The following TCF12 variants were observed in gnomAD, a reference collection of about 807,000 sequenced individuals.
The protein encoded by TCF12 is DNA-binding protein HTF4.
A neutral mutation model predicts 86.0 loss-of-function variants in TCF12; 45 were observed. The ratio of observed to expected loss-of-function variants is 0.52; its 90% confidence interval spans 0.41 to 0.67. The LOEUF (loss-of-function observed/expected upper bound fraction) is 0.67, where lower values mean the gene tolerates loss of function less well. Ranked by LOEUF, TCF12 falls within the 30% of genes least tolerant of loss-of-function variation. The pLI, the probability that TCF12 is intolerant of heterozygous loss-of-function variation, is 0.00. For missense variants in TCF12, 881 were observed against 859.9 expected, an observed-to-expected ratio of 1.02 and a Z score of -0.31; for synonymous variants, 330 against 299.6, an observed-to-expected ratio of 1.10 and a Z score of -1.05.
intron 3 of TCF12, among the ~76,000 whole-genome samples, chr15:56,958,793 G>A (rs560312029): frequency 6.6e-6 from 1 of 152,012 alleles, no homozygotes; most frequent in African/African-American, 2.4e-5. Flanking sequence ...TGCAGAGACA[G>A]GAGGATCACT....
At chr15:57,011,721 C>A (rs558260281) in intron 3 of TCF12, among the ~76,000 whole-genome samples, 2 of 152,152 alleles carry the variant, frequency 1.3e-5, no homozygotes, top group African/African-American at 4.8e-5. Flanking sequence ...AATTACAGGA[C>A]CCCCCAGTCT....
chr15:57,129,839 G>T (rs957385405), intron 5 of TCF12: 3 of 152,152 alleles, frequency 2.0e-5, no homozygotes, highest in African/African-American at 7.2e-5. Flanking sequence ...ATTCACCAGG[G>T]TTCATCTTAC....
chr15:56,969,488 C>T (rs1652735), intron 3 of TCF12, among the ~76,000 whole-genome samples: 1 of 150,962 alleles, frequency 6.6e-6, no homozygotes, highest in African/African-American at 2.4e-5. Flanking sequence ...ACATATGATT[C>T]GGAAACCACG....
At chr15:57,265,191 C>T (rs990864296) in intron 18 of TCF12, among the ~76,000 whole-genome samples, 4 of 151,488 alleles carry the variant, frequency 2.6e-5, no homozygotes, top group African/African-American at 4.9e-5. Context: ...ACAGCAGGTC[C>T]TCAAAGAACA....
intron 6 of TCF12, among the ~76,000 whole-genome samples, chr15:57,172,234 C>T (rs1455489542): frequency 3.3e-5 from 5 of 151,960 alleles, no homozygotes; most frequent in Admixed American, 1.3e-4. Flanking sequence ...AGCTTCAAAA[C>T]GAAGCAAAAC....
chr15:57,039,366 T>A (rs757666663), intron 3 of TCF12, among the ~76,000 whole-genome samples: 5 of 152,198 alleles, frequency 3.3e-5, no homozygotes, highest in African/African-American at 4.8e-5. Context: ...CGTGAAATAT[T>A]TCAACCTCAG....
chr15:57,086,606 G>A (rs2048646243), intron 4 of TCF12, among the ~76,000 whole-genome samples: 1 of 151,472 alleles, frequency 6.6e-6, no homozygotes, highest in Admixed American at 6.6e-5. Flanking sequence ...CACTGCTGTG[G>A]GAGCACAGAA....
chr15:57,267,899 C>T (rs763857491), intron 18 of TCF12, among the ~76,000 whole-genome samples: 7 of 152,196 alleles, frequency 4.6e-5, no homozygotes, highest in Non-Finnish European at 1.0e-4. Context: ...CTTTCTGTTA[C>T]AGGATTCTTG....
At chr15:57,109,530 C>T (rs989609379) in intron 5 of TCF12, among the ~76,000 whole-genome samples, 3 of 152,030 alleles carry the variant, frequency 2.0e-5, no homozygotes, top group African/African-American at 4.8e-5. Context: ...TTTCTATTCT[C>T]GTCTTAATAT....
In TCF12 at chr15:57,282,438, G is replaced by C. The variant is rs771939982; in HGVS notation, c.1979-7G>C. On this transcript the variant is annotated splice_region_variant and splice_polypyrimidine_tract_variant and intron_variant, in intron 19 of 20. Coordinates refer to ENST00000333725, the MANE Select transcript of TCF12 (RefSeq NM_207037.2). ...ATAGTGATAAAAATTCTTTCCCCCT[G>C]TTTTAGAGAGGAACCTTAACCCCAA... 1 of 1,614,082 alleles carries C rather than the reference G, an allele frequency of 6.2e-7. No individual in the cohort carries two copies. Among genetic ancestry groups the C allele is most frequent in the Non-Finnish European group, 8.5e-7 (1 of 1,180,018 alleles).
intron 3 of TCF12, among the ~76,000 whole-genome samples, chr15:56,985,815 A>G (rs1480713671): frequency 6.6e-6 from 1 of 152,150 alleles, no homozygotes; most frequent in Admixed American, 6.5e-5. Context: ...TAAATGAAGA[A>G]CTCAGTGACT....
At chr15:57,183,125 C>A (rs1365287631) in intron 6 of TCF12, among the ~76,000 whole-genome samples, 2 of 152,078 alleles carry the variant, frequency 1.3e-5, no homozygotes, top group African/African-American at 4.8e-5. Flanking sequence ...ATATTTTATT[C>A]TTCTTTGCTC....
intron 3 of TCF12, among the ~76,000 whole-genome samples, chr15:56,923,436 C>T (rs2059878661): frequency 6.6e-6 from 1 of 152,080 alleles, no homozygotes; most frequent in South Asian, 2.1e-4. Context: ...GTTATTCCTT[C>T]ATCAGGGTGT....
At chr15:57,248,389 A>C (rs1280477968) in intron 13 of TCF12, among the ~76,000 whole-genome samples, 1 of 152,232 alleles carries the variant, frequency 6.6e-6, no homozygotes, top group Non-Finnish European at 1.5e-5. Flanking sequence ...TGTTTACTAC[A>C]GTTGTTATTT....
intron 4 of TCF12, chr15:57,072,861 A>G (rs757517693): frequency 1.5e-5 from 6 of 396,028 alleles, no homozygotes; most frequent in African/African-American, 4.3e-5. Flanking sequence ...AAGCCAGAAG[A>G]GTAAAATGTT....
chr15:57,253,259 C>T lies in TCF12; in HGVS notation c.1261-3C>T. On this transcript the variant is annotated splice_region_variant and splice_polypyrimidine_tract_variant and intron_variant, in intron 15 of 20. Coordinates refer to ENST00000333725, the MANE Select transcript of TCF12 (RefSeq NM_207037.2). ...CACCATGTTTTTTTTTTAATCCATA[C>T]AGCAGTCTCGAATGGAGGATCGTTT... The T allele has an allele frequency of 6.2e-7, 1 of 1,613,672 alleles. No homozygotes were observed. The highest frequency in any genetic ancestry group is 8.5e-7 in the Non-Finnish European group (1 of 1,179,736).
At chr15:56,938,544 C>A (rs2060584397) in intron 3 of TCF12, among the ~76,000 whole-genome samples, 1 of 151,986 alleles carries the variant, frequency 6.6e-6, no homozygotes, top group African/African-American at 2.4e-5. Flanking sequence ...GGAGGATTCC[C>A]TCTTTCTCTG....
intron 3 of TCF12, among the ~76,000 whole-genome samples, chr15:56,943,088 C>T (rs1288695786): frequency 1.3e-5 from 2 of 152,148 alleles, no homozygotes; most frequent in East Asian, 3.8e-4. Context: ...CAGAGGTTTT[C>T]CTCTGTTCAG....
At chr15:56,953,718 A>AT (rs1392651822) in intron 3 of TCF12, among the ~76,000 whole-genome samples, 37 of 152,152 alleles carry the variant, frequency 2.4e-4, no homozygotes, top group African/African-American at 8.7e-4. Context: ...TATTTATAAC[A>AT]TTAACTTATT....
Sources: allele counts gnomAD v4.1 joint callset (sites outside exome capture counted in the v4.1 genomes callset), GRCh38; gene constraint gnomAD v4.1.1; transcripts MANE v1.5; gene names NCBI Gene and HGNC (gene_info 2026-07-23, HGNC 2026-07-21).